KANK1: variants seen among roughly 807,000 people sequenced by gnomAD.
The protein encoded by KANK1 is KN motif and ankyrin repeat domains 1, also known as KN motif and ankyrin repeat domain-containing protein 1.
Under a neutral mutation model 106.2 loss-of-function variants are expected in KANK1, and 109 were observed. That is an observed-to-expected ratio of 1.03 (90% confidence interval 0.88 to 1.20). The LOEUF is 1.20. KANK1 is among the 50% of genes most tolerant of loss of function. KANK1 has a pLI of 0.00. For synonymous variants in KANK1, 873 were observed against 652.2 expected, an observed-to-expected ratio of 1.34 and a Z score of -5.16; for missense variants, 2,399 against 1,710.7, an observed-to-expected ratio of 1.40 and a Z score of -7.10.
intron 1 of KANK1, among the ~76,000 whole-genome samples, chr9:669,122 G>A (rs1430238160): frequency 6.6e-6 from 1 of 152,074 alleles, no homozygotes; most frequent in Non-Finnish European, 1.5e-5. Flanking sequence ...TGACTTTTGT[G>A]GGCCTGAATT....
At chr9:692,585 G>T (rs1243923624) in intron 2 of KANK1, among the ~76,000 whole-genome samples, 2 of 148,192 alleles carry the variant, frequency 1.3e-5, no homozygotes, top group African/African-American at 5.0e-5. Flanking sequence ...TGTATGGTTT[G>T]ATAAGTTTTA....
chr9:590,901 A>G (rs1824707256), intron 1 of KANK1, among the ~76,000 whole-genome samples: 1 of 151,808 alleles, frequency 6.6e-6, no homozygotes, highest in African/African-American at 2.4e-5. Context: ...GAGGTTTAAT[A>G]TATAATACAC....
At chr9:670,858 T>A (rs1845711597) in intron 1 of KANK1, among the ~76,000 whole-genome samples, 1 of 151,546 alleles carries the variant, frequency 6.6e-6, no homozygotes, top group Non-Finnish European at 1.5e-5. Context: ...AGAATCTGAG[T>A]TGGGGGAAGT....
At chr9:646,544 G>A (rs1183518091) in intron 1 of KANK1, among the ~76,000 whole-genome samples, 2 of 150,138 alleles carry the variant, frequency 1.3e-5, no homozygotes, top group Non-Finnish European at 2.9e-5. Context: ...TTCAGACTTT[G>A]TAAAATAATA....
chr9:604,579 C>T lies in KANK1; in HGVS notation c.-83-72311C>T, dbSNP rs1349513552. On this transcript the variant is annotated intron_variant, in intron 1 of 11. Coordinates refer to ENST00000382297, the MANE Select transcript of KANK1 (RefSeq NM_015158.5). ...GGGTGCAGTGGCTCACACCTGTAAT[C>T]CCAGCACTTTGAGAGACCAACGCGG... Among the ~76,000 whole-genome samples the T allele has an allele frequency of 1.3e-5, 2 of 151,804 alleles. 1 individual carries two copies. Among genetic ancestry groups the T allele is most frequent in the African/African-American group, 4.9e-5 (2 of 41,110 alleles).
At chr9:471,048 T>A (rs781291114) in intron 2 of KANK1, 1 of 152,238 alleles carries the variant, frequency 6.6e-6, no homozygotes, top group African/African-American at 2.4e-5. Context: ...AACACTAGAT[T>A]GCATTGTCAC....
At chr9:685,158 C>G (rs1197976484) in intron 2 of KANK1, among the ~76,000 whole-genome samples, 2 of 152,188 alleles carry the variant, frequency 1.3e-5, no homozygotes, top group African/African-American at 2.4e-5. Flanking sequence ...AAGCCTGGTT[C>G]TGCTTTTGAG....
At chr9:477,503 G>C (rs1261980314) in intron 3 of KANK1, among the ~76,000 whole-genome samples, 1 of 152,180 alleles carries the variant, frequency 6.6e-6, no homozygotes, top group East Asian at 1.9e-4. Flanking sequence ...TGTAAGAGGT[G>C]TCCCTACTGC....
chr9:742,064 C>T lies in KANK1; in HGVS notation c.3697-141C>T, dbSNP rs1835732759. Reference sequence around the variant, plus strand: ...AAGCTGGTTTCTCCCTGCTTGCCACCACCTGCCCCAAGTAGTTCCATCGCC... The same window carrying T: ...AAGCTGGTTTCTCCCTGCTTGCCACTACCTGCCCCAAGTAGTTCCATCGCC... On this transcript the variant is annotated intron_variant, in intron 9 of 11. Coordinates refer to ENST00000382297, the MANE Select transcript of KANK1 (RefSeq NM_015158.5). The T allele has an allele frequency of 5.6e-6, 4 of 716,584 alleles. No homozygotes were observed. In the Admixed American group the frequency reaches 7.3e-5, roughly 13 times the overall value. 44.4% of individuals were successfully genotyped at this position (716,584 alleles called of 1,614,324 possible). A position where few individuals can be genotyped will look rare whatever the true frequency, so the allele number is the denominator to read the frequency against.
intron 1 of KANK1, among the ~76,000 whole-genome samples, chr9:663,297 A>G (rs1337021616): frequency 2.6e-5 from 4 of 152,222 alleles, no homozygotes; most frequent in Admixed American, 2.6e-4. Context: ...CTGATGTTTT[A>G]GTTGAAACTA....
chr9:625,020 A>T (rs1834014969), intron 1 of KANK1, among the ~76,000 whole-genome samples: 1 of 107,926 alleles, frequency 9.3e-6, no homozygotes, highest in South Asian at 3.4e-4. Context: ...CAGTGGAATG[A>T]AATGGAAGAT....
intron 3 of KANK1, among the ~76,000 whole-genome samples, chr9:493,378 C>G (rs1440655659): frequency 6.6e-6 from 1 of 152,050 alleles, no homozygotes; most frequent in Non-Finnish European, 1.5e-5. Context: ...GAAGTGGATC[C>G]ACCAGCCCTG....
rs558868894 is a variant in KANK1 at position 727,628 on chromosome 9, A to T, written c.2699-2423A>T. 2.6e-5 allele frequency among the ~76,000 whole-genome samples: 4 copies of T among 152,036 alleles called. No individual in the cohort carries two copies. The East Asian group carries it at 7.7e-4, about 29-fold the overall frequency. ...ACCACGCCCAGGCTAATCCAGGGAA[A>T]AATTAAAACTACCATAGCTGTTTCA... On this transcript the variant is annotated intron_variant, in intron 3 of 11. Coordinates refer to ENST00000382297, the MANE Select transcript of KANK1 (RefSeq NM_015158.5).
At chr9:514,322 A>C (rs1323034212) in intron 1 of KANK1, among the ~76,000 whole-genome samples, 2 of 140,756 alleles carry the variant, frequency 1.4e-5, no homozygotes, top group African/African-American at 3.0e-5. Flanking sequence ...CTCTAAAAAT[A>C]ATAGCTTCAG....
chr9:505,535 C>T (rs1281875994), intron 1 of KANK1, among the ~76,000 whole-genome samples: 3 of 152,240 alleles, frequency 2.0e-5, no homozygotes, highest in African/African-American at 7.2e-5. Flanking sequence ...GCGGCAGCCA[C>T]GGCTCCTTGA....
At chr9:623,179 A>G (rs1261635784) in intron 1 of KANK1, among the ~76,000 whole-genome samples, 4 of 152,200 alleles carry the variant, frequency 2.6e-5, no homozygotes, top group Admixed American at 6.5e-5. Flanking sequence ...GTCAATGTCC[A>G]TAATATACGA....
chr9:639,984 G>A lies in KANK1; in HGVS notation c.-83-36906G>A, dbSNP rs183275762. ...ACCTCCCAGAGGACCCATCCTTAATGCCATCCCGTTGAAGGTTGGGTTTCA... is the reference window on the plus strand; with the variant it reads ...ACCTCCCAGAGGACCCATCCTTAATACCATCCCGTTGAAGGTTGGGTTTCA... On this transcript the variant is annotated intron_variant, in intron 1 of 11. Transcript: ENST00000382297. 7.1e-4 allele frequency among the ~76,000 whole-genome samples: 108 copies of A among 152,248 alleles called. 1 individual carries two copies. Among genetic ancestry groups the A allele is most frequent in the African/African-American group, 2.4e-3 (101 of 41,552 alleles).
At chr9:604,826 T>C (rs1195999361) in intron 1 of KANK1, among the ~76,000 whole-genome samples, 1 of 151,772 alleles carries the variant, frequency 6.6e-6, no homozygotes, top group Admixed American at 6.6e-5. Context: ...TGAGACTCTC[T>C]CAAAAAATAA....
At chr9:619,346 G>A (rs1030612092) in intron 1 of KANK1, among the ~76,000 whole-genome samples, 1 of 152,188 alleles carries the variant, frequency 6.6e-6, no homozygotes, top group Non-Finnish European at 1.5e-5. Context: ...GAACAAAGCA[G>A]TATTAAATTA....
Sources: gnomAD v4.1 joint callset for allele counts (sites outside exome capture counted in the v4.1 genomes callset) on GRCh38, gnomAD v4.1.1 for gene constraint, MANE v1.5 for transcripts, NCBI Gene and HGNC (gene_info 2026-07-23, HGNC 2026-07-21) for gene names.